Variants in LDLRAD4 observed in about 807,000 individuals in gnomAD.
The protein encoded by LDLRAD4 is low-density lipoprotein receptor class A domain-containing protein 4.
In LDLRAD4, 5 loss-of-function variants were observed where a neutral mutation model predicts 17.0. That is an observed-to-expected ratio of 0.29 (90% CI 0.15 to 0.62). The LOEUF (loss-of-function observed/expected upper bound fraction) is 0.62. Ranked by LOEUF, LDLRAD4 falls within the 20% of genes least tolerant of loss-of-function variation. The pLI, the probability that LDLRAD4 is intolerant of heterozygous loss-of-function variation, is 0.84. For missense variants in LDLRAD4, 340 were observed against 424.7 expected (o/e 0.80, Z 1.75); for synonymous variants, 168 against 171.8 (o/e 0.98, Z 0.17).
intron 1 of LDLRAD4, among the ~76,000 whole-genome samples, chr18:13,340,584 T>G (rs2082324362): frequency 6.6e-6 from 1 of 152,194 alleles, no homozygotes; most frequent in Admixed American, 6.5e-5. Flanking sequence ...TATTTGGGTC[T>G]TGCTGCTGTT....
intron 1 of LDLRAD4, among the ~76,000 whole-genome samples, chr18:13,251,331 C>A (rs769421998): frequency 4.6e-5 from 7 of 152,160 alleles, no homozygotes; most frequent in Non-Finnish European, 1.0e-4. Flanking sequence ...AAAAGAATGC[C>A]CATTCTCACC....
intron 1 of LDLRAD4, among the ~76,000 whole-genome samples, chr18:13,248,381 C>A (rs117224312): frequency 0.019 from 2,822 of 152,346 alleles, 34 homozygotes; most frequent in Non-Finnish European, 0.027. Flanking sequence ...CCAGTGTCAC[C>A]TCTGGATGCC....
At chr18:13,352,012 C>G (rs1223099896) in intron 1 of LDLRAD4, among the ~76,000 whole-genome samples, 1 of 152,152 alleles carries the variant, frequency 6.6e-6, no homozygotes, top group Non-Finnish European at 1.5e-5. Flanking sequence ...ATGACAAAAA[C>G]CACATGATCA....
At chr18:13,320,999 C>T (rs2081185736) in intron 1 of LDLRAD4, among the ~76,000 whole-genome samples, 1 of 152,220 alleles carries the variant, frequency 6.6e-6, no homozygotes, top group South Asian at 2.1e-4. Context: ...TGCACTGTTT[C>T]AGTGAGCCCT....
intron 3 of LDLRAD4, among the ~76,000 whole-genome samples, chr18:13,562,106 C>T (rs773608902): frequency 1.3e-5 from 2 of 152,230 alleles, no homozygotes; most frequent in Non-Finnish European, 2.9e-5. Flanking sequence ...GGTCCTGACT[C>T]AGTGTTTTTA....
intron 1 of LDLRAD4, among the ~76,000 whole-genome samples, chr18:13,348,691 A>C (rs2082851829): frequency 6.6e-6 from 1 of 152,170 alleles, no homozygotes; most frequent in Non-Finnish European, 1.5e-5. Flanking sequence ...AGAGGCAGGC[A>C]GGCCTCCTTG....
intron 2 of LDLRAD4, among the ~76,000 whole-genome samples, chr18:13,390,503 G>A (rs911815998): frequency 6.6e-6 from 1 of 152,098 alleles, no homozygotes; most frequent in African/African-American, 2.4e-5. Context: ...GGTTTAATTG[G>A]TCTTGGCATC....
intron 3 of LDLRAD4, among the ~76,000 whole-genome samples, chr18:13,618,211 T>C (rs1007480926): frequency 6.6e-6 from 1 of 152,160 alleles, no homozygotes; most frequent in Non-Finnish European, 1.5e-5. Flanking sequence ...AAACAAGATA[T>C]TTGCACATCG....
At chr18:13,313,254 G>A (rs1412650960) in intron 1 of LDLRAD4, among the ~76,000 whole-genome samples, 2 of 152,172 alleles carry the variant, frequency 1.3e-5, no homozygotes, top group African/African-American at 2.4e-5. Context: ...CGTTGTGCAC[G>A]TGACCTATGC....
intron 2 of LDLRAD4, among the ~76,000 whole-genome samples, chr18:13,393,732 T>C (rs547670939): frequency 1.3e-5 from 2 of 152,284 alleles, no homozygotes; most frequent in South Asian, 4.2e-4. Context: ...GGGCTGCTTC[T>C]TGCTTCATAA....
chr18:13,402,662 T>C (rs1428599194), intron 2 of LDLRAD4, among the ~76,000 whole-genome samples: 2 of 152,242 alleles, frequency 1.3e-5, no homozygotes, highest in Non-Finnish European at 2.9e-5. Context: ...GTGCTGCTTC[T>C]ATAGACAGCA....
intron 1 of LDLRAD4, among the ~76,000 whole-genome samples, chr18:13,381,639 C>T (rs558667565): frequency 6.3e-4 from 96 of 152,294 alleles, no homozygotes; most frequent in African/African-American, 2.2e-3. Flanking sequence ...ACTGACTGGC[C>T]GTTGCCAAGG....
intron 2 of LDLRAD4, among the ~76,000 whole-genome samples, chr18:13,400,018 G>A (rs1287824735): frequency 6.6e-6 from 1 of 152,134 alleles, no homozygotes; most frequent in African/African-American, 2.4e-5. Flanking sequence ...TATCTTTATC[G>A]TTACTCTTCC....
chr18:13,351,287 G>T (rs2083022595), intron 1 of LDLRAD4, among the ~76,000 whole-genome samples: 1 of 152,104 alleles, frequency 6.6e-6, no homozygotes, highest in Non-Finnish European at 1.5e-5. Context: ...CCATTTGTTT[G>T]TGTCCTCTTA....
At chr18:13,359,323 G>A (rs1166570784) in intron 1 of LDLRAD4, among the ~76,000 whole-genome samples, 1 of 152,166 alleles carries the variant, frequency 6.6e-6, no homozygotes, top group African/African-American at 2.4e-5. Flanking sequence ...GCCTTTCTGT[G>A]GAGGAAGGGA....
chr18:13,343,657 C>T (rs538006614), intron 1 of LDLRAD4, among the ~76,000 whole-genome samples: 131 of 152,304 alleles, frequency 8.6e-4, no homozygotes, highest in African/African-American at 2.8e-3. Flanking sequence ...GGAATCGCCA[C>T]ACTGACTTCC....
chr18:13,626,283 T>G (rs2041161796), intron 4 of LDLRAD4, among the ~76,000 whole-genome samples: 1 of 152,200 alleles, frequency 6.6e-6, no homozygotes, highest in African/African-American at 2.4e-5. Flanking sequence ...GACCATTCAG[T>G]AATGGGAAAG....
intron 4 of LDLRAD4, among the ~76,000 whole-genome samples, chr18:13,635,355 A>C (rs566337205): frequency 6.6e-6 from 1 of 152,262 alleles, no homozygotes; most frequent in Non-Finnish European, 1.5e-5. Flanking sequence ...CTCCACCCTC[A>C]TTACCTAATT....
At chr18:13,374,349 A>G (rs547792686) in intron 1 of LDLRAD4, among the ~76,000 whole-genome samples, 2 of 152,384 alleles carry the variant, frequency 1.3e-5, no homozygotes, top group Admixed American at 6.5e-5. Context: ...GCTCTCATGC[A>G]GGAGTGGCTG....
Sources: gnomAD v4.1 joint callset for allele counts (sites outside exome capture counted in the v4.1 genomes callset) on GRCh38, gnomAD v4.1.1 for gene constraint, MANE v1.5 for transcripts, NCBI Gene and HGNC (gene_info 2026-07-23, HGNC 2026-07-21) for gene names.